MRC1: variants seen among roughly 807,000 people sequenced by gnomAD.
The protein encoded by MRC1 is macrophage mannose receptor 1.
A neutral mutation model predicts 102.9 loss-of-function variants in MRC1; 62 were observed. That is an observed-to-expected ratio of 0.60 (90% CI 0.49 to 0.74). The LOEUF is 0.74. MRC1 is among the 30% of genes least tolerant of loss of function. The pLI is 0.00. For missense variants in MRC1, 1,237 were observed against 862.8 expected, an observed-to-expected ratio of 1.43 and a Z score of -5.43; for synonymous variants, 457 against 298.4, an observed-to-expected ratio of 1.53 and a Z score of -5.48.
intron 4 of MRC1, among the ~76,000 whole-genome samples, chr10:17,834,918 C>G (rs944686364): frequency 3.3e-5 from 5 of 152,110 alleles, no homozygotes; most frequent in Admixed American, 3.3e-4. Context: ...TTTCTGGACA[C>G]GGCTATATTA....
At chr10:17,821,785 T>C (rs566451831) in intron 1 of MRC1, among the ~76,000 whole-genome samples, 42 of 152,310 alleles carry the variant, frequency 2.8e-4, no homozygotes, top group African/African-American at 9.6e-4. Flanking sequence ...AGTGGTATGA[T>C]TCTAACTTTG....
intron 27 of MRC1, 99 bp downstream of exon 27, chr10:17,907,098 AT>A: frequency 1.4e-6 from 1 of 721,980 alleles, no homozygotes. Context: ...AAAATGATTA[AT>A]TCATGAGGAA....
chr10:17,827,454 A>AGTAAGT, intron 2 of MRC1, 88 bp from the exon 3 acceptor site: 1 of 719,388 alleles, frequency 1.4e-6, no homozygotes, highest in Non-Finnish European at 2.6e-6. Context: ...GAACAGTAAG[A>AGTAAGT]CCAATTCCTT....
chr10:17,907,358 C>T (rs922803854), intron 27 of MRC1, among the ~76,000 whole-genome samples, 176 bp from the exon 28 acceptor site: 53 of 152,238 alleles, frequency 3.5e-4, no homozygotes, highest in African/African-American at 9.9e-4. Context: ...TATTCTTTTT[C>T]GTTTCCTTCC....
rs1256959214 is a variant in MRC1 at position 17,809,390 on chromosome 10, T to C, written c.-76T>C. On this transcript the variant is annotated 5_prime_UTR_variant, in exon 1 of 30. Coordinates refer to ENST00000569591, the MANE Select transcript of MRC1 (RefSeq NM_002438.4). ...GAACTTGGATTAGGTGGAGAGGCAG[T>C]TGGGGGGCCTCGTTGTTTTGCGTCT... 9.3e-6 allele frequency: 8 copies of C among 855,664 alleles called. No individual in the cohort carries two copies. The highest frequency in any genetic ancestry group is 2.4e-5 in the East Asian group (1 of 41,618). The allele number at this position is 855,664 out of a possible 1,614,324, so 53.0% of individuals were successfully genotyped here. A position where few individuals can be genotyped will look rare whatever the true frequency, so the allele number is the denominator to read the frequency against.
At chr10:17,843,299 C>T (rs1838777596) in intron 5 of MRC1, among the ~76,000 whole-genome samples, 1 of 152,184 alleles carries the variant, frequency 6.6e-6, no homozygotes, top group Non-Finnish European at 1.5e-5. Flanking sequence ...ATTTTAGTTA[C>T]AGTATCAGCA....
At chr10:17,820,907 C>G (rs1258164963) in intron 1 of MRC1, among the ~76,000 whole-genome samples, 1 of 152,108 alleles carries the variant, frequency 6.6e-6, no homozygotes, top group African/African-American at 2.4e-5. Flanking sequence ...GTGAGCAAAG[C>G]CCTATATTAT....
intron 1 of MRC1, among the ~76,000 whole-genome samples, chr10:17,810,053 A>G (rs1031498749): frequency 6.8e-6 from 1 of 146,834 alleles, no homozygotes; most frequent in Admixed American, 6.7e-5. Flanking sequence ...AATCATTCAG[A>G]CACTTGATTG....
chr10:17,875,065 T>C (rs1833411044), intron 16 of MRC1, 25 bp from the exon 17 acceptor site: 1 of 780,786 alleles, frequency 1.3e-6, no homozygotes. Context: ...ATAAAACTCA[T>C]TGCCTTTTCT....
chr10:17,820,948 A>C (rs1838385781), intron 1 of MRC1, among the ~76,000 whole-genome samples: 1 of 152,182 alleles, frequency 6.6e-6, no homozygotes, highest in African/African-American at 2.4e-5. Flanking sequence ...CAAGGTAGAA[A>C]ATTACTCATT....
intron 24 of MRC1, among the ~76,000 whole-genome samples, chr10:17,900,154 G>A (rs957845432): frequency 1.6e-4 from 24 of 151,518 alleles, no homozygotes; most frequent in African/African-American, 5.6e-4. Context: ...AAAATGACTG[G>A]CTTTTTACAT....
intron 22 of MRC1, 34 bp from the exon 23 acceptor site, chr10:17,894,176 A>C: frequency 1.2e-6 from 1 of 869,552 alleles, no homozygotes; most frequent in Non-Finnish European, 2.0e-6. Flanking sequence ...TTGATTCATG[A>C]TTGTTTTCTT....
chr10:17,884,968 G>T (rs1833571154), intron 21 of MRC1, among the ~76,000 whole-genome samples: 1 of 152,250 alleles, frequency 6.6e-6, no homozygotes, highest in Middle Eastern at 3.2e-3. Context: ...GTTGTAGGCA[G>T]CCACGACCCA....
chr10:17,858,125 A>G (rs1249656185), intron 9 of MRC1, among the ~76,000 whole-genome samples: 1 of 152,252 alleles, frequency 6.6e-6, no homozygotes, highest in Non-Finnish European at 1.5e-5. Context: ...GAAACCATTC[A>G]TCAGCCACCA....
At chr10:17,815,220 T>C (rs1554837745) in intron 1 of MRC1, among the ~76,000 whole-genome samples, 1 of 152,142 alleles carries the variant, frequency 6.6e-6, no homozygotes, top group Non-Finnish European at 1.5e-5. Flanking sequence ...CACAGAGTAA[T>C]GTTGAACTTG....
At chr10:17,885,512 A>G (rs1237194333) in intron 22 of MRC1, 77 bp downstream of exon 22, 2 of 754,244 alleles carry the variant, frequency 2.7e-6, no homozygotes, top group Admixed American at 1.8e-5. Flanking sequence ...TTACTGTTCC[A>G]TGAAAGAATC....
Position 17,823,340 on chromosome 10 carries a change from A to T in MRC1, c.328A>T (p.Ile110Phe). 1.3e-6 allele frequency: 1 copy of T among 780,838 alleles called. No individual in the cohort carries two copies. Among genetic ancestry groups the T allele is most frequent in the South Asian group, 1.3e-5 (1 of 74,616 alleles). The allele number at this position is 780,838 out of a possible 1,614,324, so 48.4% of individuals were successfully genotyped here. Residue 110 changes from isoleucine to phenylalanine, a missense_variant, in exon 2 of 30, where the codon ATC becomes TTC. By Grantham distance (21) the Ile-to-Phe change is conservative. Coordinates refer to ENST00000569591, the MANE Select transcript of MRC1 (RefSeq NM_002438.4). Reference protein sequence around the residue: ...WECKNDTLLGIKGEDLFFNYG... With the variant: ...WECKNDTLLGFKGEDLFFNYG... ...GTGCAAAAATGACACACTTTTGGGG[A>T]TCAAAGGAGAAGATTTATTTTTTAA...
intron 7 of MRC1, among the ~76,000 whole-genome samples, chr10:17,850,397 T>C (rs1281351336): frequency 2.0e-5 from 3 of 151,920 alleles, no homozygotes; most frequent in African/African-American, 7.3e-5. Context: ...GCCCAGGAGT[T>C]TGAGGCCAGT....
At chr10:17,842,204 G>A (rs2130628235) in intron 5 of MRC1, among the ~76,000 whole-genome samples, 1 of 152,274 alleles carries the variant, frequency 6.6e-6, no homozygotes, top group African/African-American at 2.4e-5. Context: ...CTCAAGTGAT[G>A]TGGCCTGCCT....
Sources: gnomAD v4.1 joint callset for allele counts (sites outside exome capture counted in the v4.1 genomes callset) on GRCh38, gnomAD v4.1.1 for gene constraint, MANE v1.5 for transcripts, NCBI Gene and HGNC (gene_info 2026-07-23, HGNC 2026-07-21) for gene names.